DDX31: variants seen among roughly 807,000 people sequenced by gnomAD.
DDX31 encodes DEAD-box helicase 31, also known as ATP-dependent DNA helicase DDX31.
In DDX31, 70 loss-of-function variants were observed where a neutral mutation model predicts 91.3. The ratio of observed to expected loss-of-function variants is 0.77; its 90% CI spans 0.63 to 0.94. The LOEUF (loss-of-function observed/expected upper bound fraction) is 0.94, where lower values mean the gene tolerates loss of function less well. Among genes scored for constraint, DDX31 ranks in the 40% least tolerant of loss-of-function variants. DDX31 has a pLI of 0.00. For synonymous variants in DDX31, 362 were observed against 350.6 expected, an observed-to-expected ratio of 1.03 and a Z score of -0.36; for missense variants, 902 against 925.0, an observed-to-expected ratio of 0.98 and a Z score of 0.32.
rs1360354459 is a variant in DDX31, at chr9:132,593,481, G to T, written c.*1385C>A. The T allele has an allele frequency of 6.6e-6, 1 of 152,188 alleles. No individual in the cohort carries two copies. The highest frequency in any genetic ancestry group is 2.4e-5 in the African/African-American group (1 of 41,456). 9.4% of individuals were successfully genotyped at this position (152,188 alleles called of 1,614,324 possible). A position where few individuals can be genotyped will look rare whatever the true frequency, so the allele number is the denominator to read the frequency against. ...GGCTGACATGTGCTGCAGGGTTGTT[G>T]TTTTTTAATTATTATTGTTAGAAAC... On this transcript the variant is annotated 3_prime_UTR_variant, in exon 20 of 20. Transcript: ENST00000372159.
At position 132,594,888 on chromosome 9, in the gene DDX31, C is replaced by G; in HGVS notation, c.2219G>C (p.Ser740Thr). The change falls in exon 20 of 20, where the codon AGC becomes ACC. Residue 740 changes from serine (S) to threonine (T), a missense_variant. Ser to Thr is a moderately conservative substitution (Grantham distance 58). Coordinates refer to ENST00000372159, the MANE Select transcript of DDX31 (RefSeq NM_022779.9). ...ATTTTAAACTTTCTGGGAAGTCTTGCTGTCCCGCTGTACACCTTTTTGGGT... is the reference window on the plus strand; with the variant it reads ...ATTTTAAACTTTCTGGGAAGTCTTGGTGTCCCGCTGTACACCTTTTTGGGT... ...RKTQKGVQRDSKTSQKV is the reference protein window; with the variant it reads ...RKTQKGVQRDTKTSQKV 6.2e-7 allele frequency: 1 copy of G among 1,613,770 alleles called. No homozygotes were observed. Among genetic ancestry groups the G allele is most frequent in the Non-Finnish European group, 8.5e-7 (1 of 1,180,010 alleles).
chr9:132,669,824 G>T, intron 1 of DDX31, 36 bp downstream of exon 1: 1 of 1,540,994 alleles, frequency 6.5e-7, no homozygotes, highest in South Asian at 1.2e-5. Context: ...GCCGGGCCGC[G>T]GGTGGGGACG....
chr9:132,659,124 T>C (rs1834771635), intron 5 of DDX31, among the ~76,000 whole-genome samples: 1 of 152,216 alleles, frequency 6.6e-6, no homozygotes, highest in African/African-American at 2.4e-5. Context: ...GCAGTGCTGA[T>C]GTGATTGGGA....
chr9:132,597,032 G>C (rs972878392), intron 19 of DDX31, among the ~76,000 whole-genome samples: 11 of 152,174 alleles, frequency 7.2e-5, no homozygotes, highest in African/African-American at 2.4e-4. Context: ...TAAGGGGGTA[G>C]CTGGTGGTTG....
In DDX31 at chr9:132,595,774, C is replaced by T. The variant is rs1025165578; in HGVS notation, c.1995-662G>A. 2.6e-5 allele frequency among the ~76,000 whole-genome samples: 4 copies of T among 152,126 alleles called. No homozygotes were observed. The highest frequency in any genetic ancestry group is 2.1e-4 in the South Asian group (1 of 4,824). ...CAGCTTTCTGCAGCCCACACAAACC[C>T]GGGTGTTAGAGGGAGGTCTCTCCCT... On this transcript the variant is annotated intron_variant, in intron 19 of 19. Transcript: ENST00000372159. This position sits in a 1 kb window ranked among gnomAD's most constrained non-coding sequence, Gnocchi z 4.6.
chr9:132,612,882 CCA>C (rs1195882853), intron 18 of DDX31, among the ~76,000 whole-genome samples: 2 of 152,118 alleles, frequency 1.3e-5, no homozygotes, highest in Non-Finnish European at 2.9e-5. Flanking sequence ...ATCCCTGATA[CCA>C]GTTTTTTGTG....
intron 17 of DDX31, among the ~76,000 whole-genome samples, chr9:132,622,056 C>T (rs1167209724): frequency 6.6e-6 from 1 of 151,288 alleles, no homozygotes; most frequent in African/African-American, 2.4e-5. Flanking sequence ...TACTGTCTAT[C>T]AAGGTAGGAG....
At chr9:132,651,493 C>G (rs11243863) in intron 7 of DDX31, among the ~76,000 whole-genome samples, 2 of 152,054 alleles carry the variant, frequency 1.3e-5, no homozygotes, top group Non-Finnish European at 2.9e-5. Context: ...ATAATATGTA[C>G]GCAGAGTAAA....
Position 132,669,978 on chromosome 9 carries a change from C to G in DDX31, c.-44G>C. ...GTGGTGCAGCAGCGAGCCCGGTGCGCAGACTGCTGGGCCCGGGACCCCACG... is the reference window on the plus strand; with the variant it reads ...GTGGTGCAGCAGCGAGCCCGGTGCGGAGACTGCTGGGCCCGGGACCCCACG... On this transcript the variant is annotated 5_prime_UTR_variant, in exon 1 of 20. Transcript: ENST00000372159. 6.3e-7 allele frequency: 1 copy of G among 1,575,442 alleles called. No individual in the cohort carries two copies. Among genetic ancestry groups the G allele is most frequent in the Non-Finnish European group, 8.6e-7 (1 of 1,161,744 alleles).
chr9:132,630,156 C>CA, intron 16 of DDX31, 108 bp downstream of exon 16: 1 of 1,292,344 alleles, frequency 7.7e-7, no homozygotes. Context: ...TTAGGGATCA[C>CA]AAGGGTTAAT....
rs1490139367 is a variant in DDX31 at position 132,645,920 on chromosome 9, C to T, written c.1355G>A (p.Arg452Gln). 7 of 1,613,500 alleles carry T rather than the reference C, an allele frequency of 4.3e-6. No individual in the cohort carries two copies. The highest frequency in any genetic ancestry group is 2.2e-5 in the East Asian group (1 of 44,870). ...PSASMRLKFL[R>Q]LHGGMEQEER... ...CTCCTGCTCCATGCCGCCATGCAGC[C>T]GTAGGAATTTTAATCGCATGGAGGC... is the stretch of plus-strand genomic sequence containing the variant. Residue 452 changes from arginine (R) to glutamine (Q), a missense_variant, in exon 13 of 20, where the codon CGG becomes CAG. Arg to Gln is a conservative substitution (Grantham distance 43). Coordinates refer to ENST00000372159, the MANE Select transcript of DDX31 (RefSeq NM_022779.9).
chr9:132,621,764 C>T (rs980320190), intron 17 of DDX31, among the ~76,000 whole-genome samples: 2 of 152,224 alleles, frequency 1.3e-5, no homozygotes, highest in Admixed American at 1.3e-4. Flanking sequence ...ATTCTTCTTA[C>T]TACTGACATG....
rs1422830853 is a variant in DDX31, at chr9:132,658,369, G to A, written c.588+302C>T. The stretch of plus-strand genomic sequence containing the variant: ...GGATAACAGTAATACCTATAACACA[G>A]TGGGGGAGAGAGCAGTTAAAGATTC... On this transcript the variant is annotated intron_variant, in intron 6 of 19. Coordinates refer to ENST00000372159, the MANE Select transcript of DDX31 (RefSeq NM_022779.9). 4 of 703,108 alleles carry A rather than the reference G, an allele frequency of 5.7e-6. No homozygotes were observed. The African/African-American group carries it at 7.0e-5, about 12-fold the overall frequency. The allele number at this position is 703,108 out of a possible 1,614,324, so 43.6% of individuals were successfully genotyped here.
chr9:132,648,425 G>C lies in DDX31; in HGVS notation c.860+7C>G, dbSNP rs368761563. Reference sequence around the variant, plus strand: ...TCTACCTGTTATCATCCTGGGACGAGGCTCACCTGTCTGCTTCATCAAACA... The same window carrying C: ...TCTACCTGTTATCATCCTGGGACGACGCTCACCTGTCTGCTTCATCAAACA... On this transcript the variant is annotated splice_region_variant and intron_variant, in intron 10 of 19. Transcript: ENST00000372159. The C allele has an allele frequency of 6.2e-7, 1 of 1,612,702 alleles. No individual in the cohort carries two copies. Among genetic ancestry groups the C allele is most frequent in the African/African-American group, 1.3e-5 (1 of 74,800 alleles).
intron 19 of DDX31, among the ~76,000 whole-genome samples, chr9:132,599,945 C>T (rs1830642709): frequency 6.6e-6 from 1 of 152,268 alleles, no homozygotes; most frequent in Non-Finnish European, 1.5e-5. Flanking sequence ...TAAGTCTCTA[C>T]ACTTGTGCCT....
intron 19 of DDX31, among the ~76,000 whole-genome samples, chr9:132,599,777 T>G (rs1830632410): frequency 6.6e-6 from 1 of 152,242 alleles, no homozygotes; most frequent in African/African-American, 2.4e-5. Context: ...TGCACTCCTC[T>G]AATCTGAACG....
rs1830324163 is a variant in DDX31, at chr9:132,594,226, GAGGGAGCAATGCATGTAA to G, written c.*622_*639del. ...GAGTGAGTTTTCAGTGGACATGAAA[GAGGGAGCAATGCATGTAA>G]ATGCAACCTCGTGTTTCCAGAAGAA... On this transcript the variant is annotated 3_prime_UTR_variant, in exon 20 of 20. Transcript: ENST00000372159. 2 of 152,246 alleles carry G rather than the reference GAGGGAGCAATGCATGTAA, an allele frequency of 1.3e-5. No individual in the cohort carries two copies. The highest frequency in any genetic ancestry group is 6.5e-5 in the Admixed American group (1 of 15,288). 9.4% of individuals were successfully genotyped at this position (152,246 alleles called of 1,614,324 possible).
chr9:132,657,837 G>A (rs1294601450), intron 6 of DDX31, among the ~76,000 whole-genome samples: 1 of 152,094 alleles, frequency 6.6e-6, no homozygotes, highest in Admixed American at 6.6e-5. Flanking sequence ...CTCAACCCAG[G>A]CACTAACTTA....
Position 132,650,239 on chromosome 9 carries a change from C to T in DDX31, c.735G>A (p.Lys245=), listed in dbSNP as rs45559237. The change falls in exon 9 of 20, where the codon AAG becomes AAA. Residue 245 remains lysine (K), a synonymous_variant. Coordinates refer to ENST00000372159, the MANE Select transcript of DDX31 (RefSeq NM_022779.9). ...LMGGEKRKSE[K]ARLRKGINIL... is the part of the protein sequence containing the mutation. Reference sequence around the variant, plus strand: ...ACCAACAAACCTCTTCCTACCTGGCCTTTTCTGATTTTCTCTTCTCTCCTC... The same window carrying T: ...ACCAACAAACCTCTTCCTACCTGGCTTTTTCTGATTTTCTCTTCTCTCCTC... The T allele has an allele frequency of 4.9e-5, 79 of 1,613,950 alleles. No homozygotes were observed. Among genetic ancestry groups the T allele is most frequent in the Non-Finnish European group, 6.5e-5 (77 of 1,179,960 alleles).
Sources: gnomAD v4.1 joint callset for allele counts (sites outside exome capture counted in the v4.1 genomes callset) on GRCh38, gnomAD v4.1.1 for gene constraint, Gnocchi (gnomAD v3.1) non-coding constraint, MANE v1.5 for transcripts, NCBI Gene and HGNC (gene_info 2026-07-23, HGNC 2026-07-21) for gene names.